SUPT5H: variants seen among roughly 807,000 people sequenced by gnomAD.
The protein encoded by SUPT5H is transcription elongation factor SPT5.
A neutral mutation model predicts 142.5 loss-of-function variants in SUPT5H; 24 were observed. The ratio of observed to expected loss-of-function variants is 0.17; its 90% CI spans 0.12 to 0.24. The LOEUF (loss-of-function observed/expected upper bound fraction) is 0.24, where lower values mean the gene tolerates loss of function less well. Ranked by LOEUF, SUPT5H falls within the 10% of genes least tolerant of loss-of-function variation. The probability of loss-of-function intolerance (pLI) is 1.00; values close to 1 mark genes in which losing one functional copy is unlikely to be tolerated. For missense variants in SUPT5H, 893 were observed against 1,471.8 expected (o/e 0.61, Z 6.43); for synonymous variants, 546 against 553.0 (o/e 0.99, Z 0.18).
chr19:39,476,413 G>A lies in SUPT5H; in HGVS notation c.*14G>A, dbSNP rs564638947. ...CTGGAAGCCTGAAGCAGGCAGGGCC[G>A]GTGGACTTCGTCGGATGAAGAGTGA... On this transcript the variant is annotated 3_prime_UTR_variant, in exon 30 of 30. Coordinates refer to ENST00000432763, the MANE Select transcript of SUPT5H (RefSeq NM_001111020.3). 5.6e-5 allele frequency: 91 copies of A among 1,613,732 alleles called. 5 individuals carry two copies. In the South Asian group the frequency reaches 8.3e-4, roughly 15 times the overall value.
chr19:39,469,446 C>A lies in SUPT5H; in HGVS notation c.1374+48C>A, dbSNP rs759271117. ...CAGGGGTTGGAGTGTTCAGGCACAT[C>A]TGACTGTATGTGGCTGTCGAGGCGG... On this transcript the variant is annotated intron_variant, in intron 16 of 29. Coordinates refer to ENST00000432763, the MANE Select transcript of SUPT5H (RefSeq NM_001111020.3). This position sits in a 1 kb window ranked among gnomAD's most constrained non-coding sequence, Gnocchi z 5.1. The A allele has an allele frequency of 1.2e-6, 2 of 1,612,806 alleles. No homozygotes were observed. The highest frequency in any genetic ancestry group is 1.7e-6 in the Non-Finnish European group (2 of 1,179,112).
At chr19:39,459,099 G>C in intron 7 of SUPT5H, 26 bp downstream of exon 7, 1 of 1,613,938 alleles carries the variant, frequency 6.2e-7, no homozygotes, top group Non-Finnish European at 8.5e-7. Context: ...GGGCAGGTGG[G>C]GGCAGGGAGC....
At chr19:39,448,518 A>C (rs1023786534) in intron 2 of SUPT5H, among the ~76,000 whole-genome samples, 5 of 151,964 alleles carry the variant, frequency 3.3e-5, no homozygotes, top group Non-Finnish European at 5.9e-5. Flanking sequence ...TCTCGTTTGC[A>C]CTGTTACTAG....
intron 18 of SUPT5H, among the ~76,000 whole-genome samples, chr19:39,471,123 G>C (rs910564103): frequency 6.6e-6 from 1 of 152,104 alleles, no homozygotes; most frequent in African/African-American, 2.4e-5. Context: ...TTGCCCAATC[G>C]GGGGTGGAGT....
At chr19:39,460,257 C>A (rs1297804055) in intron 10 of SUPT5H, 2 of 401,192 alleles carry the variant, frequency 5.0e-6, no homozygotes, top group African/African-American at 4.1e-5. Context: ...GCCTGTTCAC[C>A]AGCCCTGTTG....
At chr19:39,468,566 T>C in intron 13 of SUPT5H, 190 bp from the exon 14 acceptor site, 1 of 598,150 alleles carries the variant, frequency 1.7e-6, no homozygotes, top group Non-Finnish European at 3.0e-6. Flanking sequence ...GGTGGAGGAG[T>C]GCAGGGAGGT....
rs896746127 is a variant in SUPT5H, at chr19:39,472,028, A to G, written c.1950+298A>G. Among the ~76,000 whole-genome samples, 2 of 152,252 alleles carry G rather than the reference A, an allele frequency of 1.3e-5. No homozygotes were observed. Among genetic ancestry groups the G allele is most frequent in the African/African-American group, 4.8e-5 (2 of 41,468 alleles). On this transcript the variant is annotated intron_variant, in intron 20 of 29. Transcript: ENST00000432763. The surrounding 1 kb of genome is among the most constrained non-coding windows in gnomAD (Gnocchi z 4.2). ...CACAGAGCTGATACTCTAGAGGTGG[A>G]CAGACAGATAAACCCATCGTACAGC...
Position 39,459,607 on chromosome 19 carries a change from G to C in SUPT5H, c.555+18G>C, listed in dbSNP as rs552291679. On this transcript the variant is annotated intron_variant, in intron 9 of 29. Coordinates refer to ENST00000432763, the MANE Select transcript of SUPT5H (RefSeq NM_001111020.3). The stretch of plus-strand genomic sequence containing the variant: ...AATGTAAGGTATGTGCTCTGATCTC[G>C]GGGCTTGGAGGAGGTGGGAGAATGA... 3.2e-5 allele frequency: 52 copies of C among 1,613,758 alleles called. 1 individual carries two copies. In the Admixed American group the frequency reaches 7.3e-4, roughly 23 times the overall value.
rs113169927 is a variant in SUPT5H, at chr19:39,458,231, C to CCCA, written c.308-21_308-19dup. 4,673 of 1,364,540 alleles carry CCCA rather than the reference C, an allele frequency of 3.4e-3. 10 individuals carry two copies. Among genetic ancestry groups the CCCA allele is most frequent in the East Asian group, 0.02 (804 of 40,810 alleles). 84.5% of individuals were successfully genotyped at this position (1,364,540 alleles called of 1,614,324 possible). A position where few individuals can be genotyped will look rare whatever the true frequency, so the allele number is the denominator to read the frequency against. ...TTGGCTCATACTTTGTCTGCCCTCGCCCACCACCACCACCACCACCACCAC... is the reference window on the plus strand; with the variant it reads ...TTGGCTCATACTTTGTCTGCCCTCGCCCACCACCACCACCACCACCACCACCAC... On this transcript the variant is annotated intron_variant, in intron 4 of 29. Coordinates refer to ENST00000432763, the MANE Select transcript of SUPT5H (RefSeq NM_001111020.3). The surrounding 1 kb of genome is among the most constrained non-coding windows in gnomAD (Gnocchi z 4.2).
intron 20 of SUPT5H, 159 bp downstream of exon 20, chr19:39,471,889 C>A: frequency 9.3e-7 from 1 of 1,070,080 alleles, no homozygotes; most frequent in Non-Finnish European, 1.3e-6. Context: ...ATTTGGGATT[C>A]TGAGCTGTTC....
chr19:39,465,264 G>C (rs969680797), intron 11 of SUPT5H, among the ~76,000 whole-genome samples: 7 of 152,232 alleles, frequency 4.6e-5, no homozygotes, highest in African/African-American at 1.7e-4. Flanking sequence ...AGGATCGGAG[G>C]GCGTGAGGCA....
At position 39,470,160 on chromosome 19, in the gene SUPT5H, C is replaced by A; in HGVS notation, c.1416C>A (p.Phe472Leu). ...EFPAQELRKY[F>L]KMGDHVKVIA... Reference sequence around the variant, plus strand: ...CAGCCCAGGAACTTAGAAAATACTTCAAGATGGGGGACCACGTGAAGGTGA... The same window carrying A: ...CAGCCCAGGAACTTAGAAAATACTTAAAGATGGGGGACCACGTGAAGGTGA... The change falls in exon 17 of 30, where the codon TTC becomes TTA. Residue 472 changes from phenylalanine (F) to leucine (L), a missense_variant. Phe to Leu is a conservative substitution (Grantham distance 22). Around this residue, in one of 6 missense-constraint regions of SUPT5H, gnomAD observed 428 missense variants for 763.5 expected, o/e 0.56. Coordinates refer to ENST00000432763, the MANE Select transcript of SUPT5H (RefSeq NM_001111020.3). This position sits in a 1 kb window ranked among gnomAD's most constrained non-coding sequence, Gnocchi z 5.8. The A allele has an allele frequency of 6.2e-7, 1 of 1,613,096 alleles. No homozygotes were observed. Among genetic ancestry groups the A allele is most frequent in the Non-Finnish European group, 8.5e-7 (1 of 1,179,490 alleles).
At position 39,474,291 on chromosome 19, in the gene SUPT5H, G is replaced by GCCCAGC. The variant is rs1555747935; in HGVS notation, c.2719_2724dup (p.Ser907_Pro908dup). On this transcript the variant is annotated inframe_insertion, in exon 27 of 30. Transcript: ENST00000432763. This position sits in a 1 kb window ranked among gnomAD's most constrained non-coding sequence, Gnocchi z 6.5. ...CCCCCTCCCCACAAGGTTCCTACCA[G>GCCCAGC]CCCAGCCCCAGCCCCCAGAGCTACC... 14 of 1,613,704 alleles carry GCCCAGC rather than the reference G, an allele frequency of 8.7e-6. No homozygotes were observed. The highest frequency in any genetic ancestry group is 1.1e-5 in the Non-Finnish European group (13 of 1,179,958).
At chr19:39,471,786 C>A (rs374843971) in intron 20 of SUPT5H, 56 bp downstream of exon 20, 5 of 1,570,376 alleles carry the variant, frequency 3.2e-6, no homozygotes, top group South Asian at 2.4e-5. Context: ...GCTCTCCAAG[C>A]CTCCTCTGGC....
In SUPT5H at chr19:39,472,377, G is replaced by T. The variant is rs759014920; in HGVS notation, c.1951-32G>T. 17 of 1,609,898 alleles carry T rather than the reference G, an allele frequency of 1.1e-5. 1 individual carries two copies. The South Asian group carries it at 1.8e-4, about 17-fold the overall frequency. On this transcript the variant is annotated intron_variant, in intron 20 of 29. Coordinates refer to ENST00000432763, the MANE Select transcript of SUPT5H (RefSeq NM_001111020.3). This position sits in a 1 kb window ranked among gnomAD's most constrained non-coding sequence, Gnocchi z 4.2. ...GTGGTTTGTGGTTCCCCCATCCCCTGCCTGCCAGTTCACTCCTTGCTTCTA... is the reference window on the plus strand; with the variant it reads ...GTGGTTTGTGGTTCCCCCATCCCCTTCCTGCCAGTTCACTCCTTGCTTCTA...
chr19:39,473,998 A>G lies in SUPT5H; in HGVS notation c.2528A>G (p.Glu843Gly). Residue 843 changes from glutamate to glycine, a missense_variant, in exon 26 of 30, where the codon GAG (glutamate) becomes GGG (glycine). Around this residue, in one of 6 missense-constraint regions of SUPT5H, gnomAD observed 336 missense variants for 546.5 expected, o/e 0.61. Transcript: ENST00000432763. This position sits in a 1 kb window ranked among gnomAD's most constrained non-coding sequence, Gnocchi z 5.8. ...EEEYEYAFDD[E>G]PTPSPQAYGG... is the part of the protein sequence containing the mutation. ...GAATATGAGTATGCTTTCGATGATG[A>G]GCCCACCCCGTCCCCGCAGGCCTAT... 6.2e-7 allele frequency: 1 copy of G among 1,613,898 alleles called. No individual in the cohort carries two copies. Among genetic ancestry groups the G allele is most frequent in the South Asian group, 1.1e-5 (1 of 91,084 alleles).
Position 39,459,582 on chromosome 19 carries a change from A to G in SUPT5H, c.548A>G (p.Lys183Arg). The G allele has an allele frequency of 1.9e-6, 3 of 1,613,796 alleles. No homozygotes were observed. The highest frequency in any genetic ancestry group is 2.5e-6 in the Non-Finnish European group (3 of 1,179,912). Reference sequence around the variant, plus strand: ...AGGGATCCCAATCTGTGGACTGTCAAATGTAAGGTATGTGCTCTGATCTCG... The same window carrying G: ...AGGGATCCCAATCTGTGGACTGTCAGATGTAAGGTATGTGCTCTGATCTCG... ...GVKDPNLWTV[K>R]CKIGEERATA... Residue 183 changes from lysine to arginine, a missense_variant, in exon 9 of 30, where the codon AAA becomes AGA. Coordinates refer to ENST00000432763, the MANE Select transcript of SUPT5H (RefSeq NM_001111020.3).
At chr19:39,453,574 GT>G in intron 3 of SUPT5H, 53 bp downstream of exon 3, 1 of 1,439,388 alleles carries the variant, frequency 6.9e-7, no homozygotes, top group Non-Finnish European at 9.2e-7. Flanking sequence ...TCTACTTTTA[GT>G]TCCATTTCTT....
intron 3 of SUPT5H, among the ~76,000 whole-genome samples, chr19:39,457,028 G>A (rs1416445788): frequency 6.6e-6 from 1 of 152,180 alleles, no homozygotes; most frequent in Admixed American, 6.5e-5. Flanking sequence ...CATGTATTAC[G>A]TTTTTAGTGT....
Sources: allele counts gnomAD v4.1 joint callset (sites outside exome capture counted in the v4.1 genomes callset), GRCh38; gene constraint gnomAD v4.1.1; regional missense constraint gnomAD v4.1.1; non-coding constraint Gnocchi (gnomAD v3.1); transcripts MANE v1.5; gene names NCBI Gene and HGNC (gene_info 2026-07-23, HGNC 2026-07-21).